The following CD163L1 variants were observed in gnomAD, a reference collection of about 807,000 sequenced individuals.
The protein encoded by CD163L1 is CD163 molecule like 1, also known as scavenger receptor cysteine-rich type 1 protein M160.
Under a neutral mutation model 165.4 loss-of-function variants are expected in CD163L1, and 124 were observed. The observed-to-expected ratio is 0.75, with a 90% CI of 0.65 to 0.87. The LOEUF is 0.87. Among genes scored for constraint, CD163L1 ranks in the 40% least tolerant of loss-of-function variants. The pLI is 0.00. For missense variants in CD163L1, 1,525 were observed against 1,799.9 expected, an observed-to-expected ratio of 0.85 and a Z score of 2.76; for synonymous variants, 585 against 662.2, an observed-to-expected ratio of 0.88 and a Z score of 1.79.
chr12:7,320,727 A>G, the CD163L1 span: 1 of 1,613,048 alleles, frequency 6.2e-7, no homozygotes, highest in Non-Finnish European at 8.5e-7. Context: ...TCATCCAGAC[A>G]CTTACTACTT....
Position 7,374,813 on chromosome 12 carries a change from A to G in CD163L1, c.3094+18T>C. ...ATTCTTTAGAGTTGCAGTGTTTCCTAAAACTGATTCTGCTTACCTAAGCAG... is the reference window on the plus strand; with the variant it reads ...ATTCTTTAGAGTTGCAGTGTTTCCTGAAACTGATTCTGCTTACCTAAGCAG... On this transcript the variant is annotated intron_variant, in intron 12 of 19. Coordinates refer to ENST00000313599, the MANE Select transcript of CD163L1 (RefSeq NM_174941.6). This position sits in a 1 kb window ranked among gnomAD's most constrained non-coding sequence, Gnocchi z 5.4. 6.2e-7 allele frequency: 1 copy of G among 1,614,164 alleles called. No individual in the cohort carries two copies. The highest frequency in any genetic ancestry group is 1.1e-5 in the South Asian group (1 of 91,078).
At chr12:7,348,212 C>CA (rs1481653087) in intron 4 of CD163L1, among the ~76,000 whole-genome samples, 8 of 152,176 alleles carry the variant, frequency 5.3e-5, no homozygotes, top group Admixed American at 5.2e-4. Context: ...CAATCATCTG[C>CA]AACCACTCTG....
rs1325373564 is a variant in CD163L1, at chr12:7,376,004, C to A, written c.2382G>T (p.Gln794His). The A allele has an allele frequency of 3.7e-6, 6 of 1,613,200 alleles. No homozygotes were observed. The African/African-American group carries it at 6.7e-5, about 18-fold the overall frequency. The change falls in exon 10 of 20, where the codon CAG becomes CAT. Residue 794 changes from glutamine to histidine, a missense_variant. By Grantham distance (24) the Gln-to-His change is conservative. Transcript: ENST00000313599. ...GCATATCAGCTCCAACCAGCCTGGG[C>A]TGCCTGTGGGCTATAAAATAATATT... ...EASLICSAHR[Q>H]PRLVGADMPC...
Position 7,369,279 on chromosome 12 carries a change from T to C in CD163L1, c.4039+78A>G, listed in dbSNP as rs748649189. On this transcript the variant is annotated intron_variant, in intron 15 of 19. Coordinates refer to ENST00000313599, the MANE Select transcript of CD163L1 (RefSeq NM_174941.6). The surrounding 1 kb of genome is among the most constrained non-coding windows in gnomAD (Gnocchi z 4.9). ...GAAATCCTAGTATCTTCAGCTCAAC[T>C]CTCTGAGTGAGCCTGTTTCCCAGTG... The C allele has an allele frequency of 1.6e-4, 224 of 1,438,458 alleles. No homozygotes were observed. The highest frequency in any genetic ancestry group is 9.0e-4 in the Middle Eastern group (4 of 4,448). The allele number at this position is 1,438,458 out of a possible 1,614,324, so 89.1% of individuals were successfully genotyped here.
chr12:7,345,913 A>G (rs1946666541), downstream of CD163L1, among the ~76,000 whole-genome samples: 1 of 152,080 alleles, frequency 6.6e-6, no homozygotes, highest in Admixed American at 6.5e-5. Context: ...GACGTGCCAC[A>G]CTTTTAAAGA....
intron 4 of CD163L1, among the ~76,000 whole-genome samples, chr12:7,417,594 C>T (rs1157976735): frequency 6.6e-6 from 1 of 152,092 alleles, no homozygotes. Flanking sequence ...CCATCAATAC[C>T]TAGTTTATTG....
chr12:7,328,913 A>G, the CD163L1 span, among the ~76,000 whole-genome samples: 1 of 149,300 alleles, frequency 6.7e-6, no homozygotes, highest in Non-Finnish European at 1.5e-5. Context: ...ATATGTATAT[A>G]TATCTGTATA....
intron 4 of CD163L1, among the ~76,000 whole-genome samples, chr12:7,349,842 A>G (rs1473471329): frequency 6.6e-6 from 1 of 152,212 alleles, no homozygotes; most frequent in African/African-American, 2.4e-5. Context: ...ACTTTCTCAC[A>G]GAAAGTATCT....
At chr12:7,355,511 A>C (rs1264072074) in intron 19 of CD163L1, among the ~76,000 whole-genome samples, 2 of 152,142 alleles carry the variant, frequency 1.3e-5, no homozygotes, top group Non-Finnish European at 2.9e-5. Context: ...GGATTCTGCT[A>C]AGTCAGAATT....
chr12:7,347,667 G>GGACACGC lies in CD163L1; in HGVS notation c.*25-521_*25-520insGCGTGTC, dbSNP rs1946679356. The stretch of plus-strand genomic sequence containing the variant: ...CCTGTAGTCCCAGCTACTCGGAGAG[G>GGACACGC]CTGAGGCAGGAGAATGGCGTGAACC... On this transcript the variant is annotated intron_variant, in intron 4 of 4. Transcript: ENST00000539726. The surrounding 1 kb of genome is among the most constrained non-coding windows in gnomAD (Gnocchi z 4.2). Among the ~76,000 whole-genome samples, 1 of 152,066 alleles carries GGACACGC rather than the reference G, an allele frequency of 6.6e-6. No individual in the cohort carries two copies. Among genetic ancestry groups the GGACACGC allele is most frequent in the Admixed American group, 6.5e-5 (1 of 15,270 alleles).
Position 7,406,797 on chromosome 12 carries a change from T to A in CD163L1, c.822A>T (p.Arg274Ser), listed in dbSNP as rs758217885. The change falls in exon 5 of 20, where the codon AGA becomes AGT. Residue 274 changes from arginine to serine, a missense_variant. Arg to Ser is a moderately radical substitution (Grantham distance 110, BLOSUM62 -1). Transcript: ENST00000313599. ...LVGGTNRCMG[R>S]VELKIQGRWG... ...ACCTTCCTTGGATTTTCAGCTCTAC[T>A]CTCCCCATACAGCGGTTAGTTCCAC... The A allele has an allele frequency of 1.5e-5, 24 of 1,613,904 alleles. No individual in the cohort carries two copies. In the East Asian group the frequency reaches 3.1e-4, roughly 21 times the overall value.
At position 7,403,648 on chromosome 12, in the gene CD163L1, CA is replaced by C; in HGVS notation, c.1294del (p.Trp432GlyfsTer2). Reference protein sequence around the residue: ...AKPSNEARDIWINSISCTGNE... With the variant: ...AKPSNEARDIXINSISCTGNE... ...CCCAGTGCAAGATATGCTGTTTATC[CA>C]AATGTCTCTAGCTTCATTACTAGGT... On this transcript the variant is annotated frameshift_variant, in exon 6 of 20. Transcript: ENST00000313599. LOFTEE classifies it high-confidence loss of function. 6.2e-7 allele frequency: 1 copy of C among 1,614,026 alleles called. No individual in the cohort carries two copies. The highest frequency in any genetic ancestry group is 8.5e-7 in the Non-Finnish European group (1 of 1,179,952).
Position 7,373,280 on chromosome 12 carries a change from C to T in CD163L1, c.3730+40G>A, listed in dbSNP as rs1367531433. The T allele has an allele frequency of 3.3e-6, 5 of 1,517,162 alleles. No homozygotes were observed. The Admixed American group carries it at 5.9e-5, about 18-fold the overall frequency. The allele number at this position is 1,517,162 out of a possible 1,614,324, so 94.0% of individuals were successfully genotyped here. A position where few individuals can be genotyped will look rare whatever the true frequency, so the allele number is the denominator to read the frequency against. On this transcript the variant is annotated intron_variant, in intron 14 of 19. Transcript: ENST00000313599. ...GCTATTTATGGTAAGTTATATTTCA[C>T]AGGGCTTCAGTGACAGCTGGTGTTT...
intron 9 of CD163L1, among the ~76,000 whole-genome samples, chr12:7,378,464 C>T (rs1390488552): frequency 6.6e-6 from 1 of 152,144 alleles, no homozygotes; most frequent in Non-Finnish European, 1.5e-5. Context: ...TTCACAATTC[C>T]TACTCCATAA....
the CD163L1 span, chr12:7,328,818 G>A: frequency 7.8e-5 from 12 of 153,620 alleles, no homozygotes; most frequent in African/African-American, 2.4e-4. Flanking sequence ...AAAAATTAGC[G>A]AGTTTAATGA....
At chr12:7,426,044 A>G (rs1948535382) in intron 4 of CD163L1, among the ~76,000 whole-genome samples, 1 of 152,234 alleles carries the variant, frequency 6.6e-6, no homozygotes, top group Non-Finnish European at 1.5e-5. Flanking sequence ...ACCAACCCAA[A>G]TGCCCATCAA....
chr12:7,333,382 G>A, the CD163L1 span, among the ~76,000 whole-genome samples: 1 of 152,056 alleles, frequency 6.6e-6, no homozygotes, highest in Admixed American at 6.6e-5. Flanking sequence ...ACCTGCTCCT[G>A]AATGACTACT....
In CD163L1 at chr12:7,426,971, A is replaced by G. The variant is rs140250436; in HGVS notation, c.766+5445T>C. Among the ~76,000 whole-genome samples the G allele has an allele frequency of 1.8e-3, 268 of 152,324 alleles. 1 individual carries two copies. Among genetic ancestry groups the G allele is most frequent in the South Asian group, 0.016 (79 of 4,830 alleles). Reference sequence around the variant, plus strand: ...AAAAAGAAACAAAGAAGTCCATTATATAATGATAAAGGGGTTAATTCATCA... The same window carrying G: ...AAAAAGAAACAAAGAAGTCCATTATGTAATGATAAAGGGGTTAATTCATCA... On this transcript the variant is annotated intron_variant, in intron 4 of 19. Transcript: ENST00000313599.
chr12:7,375,662 T>C, intron 10 of CD163L1, 38 bp downstream of exon 10: 1 of 1,611,804 alleles, frequency 6.2e-7, no homozygotes, highest in Non-Finnish European at 8.5e-7. Context: ...ACTCCCCATC[T>C]CTAGCCCCAG....
Sources: gnomAD v4.1 joint callset for allele counts (sites outside exome capture counted in the v4.1 genomes callset) on GRCh38, gnomAD v4.1.1 for gene constraint, Gnocchi (gnomAD v3.1) non-coding constraint, MANE v1.5 for transcripts, NCBI Gene and HGNC (gene_info 2026-07-23, HGNC 2026-07-21) for gene names.